PSIP1: variants seen among roughly 807,000 people sequenced by gnomAD.
PSIP1 encodes the protein PC4 and SRSF1 interacting protein 1.
PSIP1 carries 19 observed loss-of-function variants against 74.7 expected under a neutral mutation model. That is an observed-to-expected ratio of 0.25 (90% CI 0.18 to 0.37). The LOEUF (loss-of-function observed/expected upper bound fraction) is 0.37, where lower values mean the gene tolerates loss of function less well. Ranked by LOEUF, PSIP1 falls within the 10% of genes least tolerant of loss-of-function variation. The pLI, the probability that PSIP1 is intolerant of heterozygous loss-of-function variation, is 1.00. For missense variants in PSIP1, 601 were observed against 614.3 expected (o/e 0.98, Z 0.23); for synonymous variants, 222 against 195.3 (o/e 1.14, Z -1.14).
In PSIP1 at chr9:15,465,517, A is replaced by T. The variant is rs1365331373; in HGVS notation, c.*3T>A. 1.9e-6 allele frequency: 3 copies of T among 1,548,616 alleles called. No homozygotes were observed. The highest frequency in any genetic ancestry group is 2.7e-6 in the Non-Finnish European group (3 of 1,129,194). On this transcript the variant is annotated 3_prime_UTR_variant, in exon 16 of 16. Transcript: ENST00000380733. ...GTGTTCTCTATATTCCAGGTATGTC[A>T]ACCTAGTTATCTAGTGTAGAATCCT...
At position 15,465,492 on chromosome 9, in the gene PSIP1, G is replaced by C; in HGVS notation, c.*28C>G. 1 of 1,491,994 alleles carries C rather than the reference G, an allele frequency of 6.7e-7. No individual in the cohort carries two copies. Among genetic ancestry groups the C allele is most frequent in the African/African-American group, 1.4e-5 (1 of 70,644 alleles). 92.4% of individuals were successfully genotyped at this position (1,491,994 alleles called of 1,614,324 possible). On this transcript the variant is annotated 3_prime_UTR_variant, in exon 16 of 16. Transcript: ENST00000380733. ...ATGAAAACCATTACAAACTTCTCAA[G>C]TGTTCTCTATATTCCAGGTATGTCA...
intron 3 of PSIP1, chr9:15,505,902 A>T (rs2037565258): frequency 6.6e-6 from 1 of 152,244 alleles, no homozygotes; most frequent in Non-Finnish European, 1.5e-5. Flanking sequence ...ATTATGACAG[A>T]CACCAAACTT....
chr9:15,506,524 T>C (rs2037594682), intron 3 of PSIP1, 37 bp downstream of exon 3: 3 of 1,441,508 alleles, frequency 2.1e-6, no homozygotes, highest in South Asian at 1.2e-5. Flanking sequence ...CCCTGTTAAA[T>C]TAGCTCTGAT....
chr9:15,497,877 CATAT>C (rs1199093690), intron 3 of PSIP1, among the ~76,000 whole-genome samples: 2 of 152,148 alleles, frequency 1.3e-5, no homozygotes, highest in African/African-American at 2.4e-5. Flanking sequence ...TGTATATATA[CATAT>C]ATAACTATGC....
chr9:15,481,895 T>A (rs1186741592), intron 6 of PSIP1, among the ~76,000 whole-genome samples: 1 of 152,280 alleles, frequency 6.6e-6, no homozygotes, highest in Non-Finnish European at 1.5e-5. Flanking sequence ...AAATATTTTA[T>A]CTAAAGAAAG....
intron 10 of PSIP1, chr9:15,471,937 C>T (rs2035850630): frequency 2.0e-6 from 2 of 976,490 alleles, no homozygotes; most frequent in South Asian, 4.7e-5. Context: ...AGAGAAAGAA[C>T]TCAGAAGTGA....
intron 6 of PSIP1, among the ~76,000 whole-genome samples, chr9:15,483,477 C>A (rs1370768203): frequency 6.6e-6 from 1 of 152,056 alleles, no homozygotes; most frequent in South Asian, 2.1e-4. Flanking sequence ...CAGTCTCATG[C>A]CAACTCCTTA....
At chr9:15,487,015 T>G (rs2036586361) in intron 4 of PSIP1, 84 bp from the exon 5 acceptor site, 3 of 852,558 alleles carry the variant, frequency 3.5e-6, no homozygotes, top group African/African-American at 3.6e-5. Flanking sequence ...ATTTTTTTTT[T>G]AGAGACAGGG....
chr9:15,465,634 G>T, intron 15 of PSIP1, 54 bp from the exon 16 acceptor site: 1 of 1,398,568 alleles, frequency 7.2e-7, no homozygotes, highest in Non-Finnish European at 9.9e-7. Flanking sequence ...CCTGATGAAG[G>T]AAAAAAAGAC....
At chr9:15,471,930 G>A (rs569658234) in intron 10 of PSIP1, 3 of 980,172 alleles carry the variant, frequency 3.1e-6, no homozygotes, top group South Asian at 4.7e-5. Context: ...GCATGTCAGA[G>A]AAAGAACTCA....
At chr9:15,504,054 A>C (rs1269336727) in intron 3 of PSIP1, among the ~76,000 whole-genome samples, 2 of 152,182 alleles carry the variant, frequency 1.3e-5, no homozygotes, top group African/African-American at 4.8e-5. Flanking sequence ...CCAAAAATTA[A>C]TCTTAAGTAC....
At chr9:15,480,214 T>C (rs1587483395) in intron 6 of PSIP1, among the ~76,000 whole-genome samples, 3 of 152,206 alleles carry the variant, frequency 2.0e-5, no homozygotes, top group Admixed American at 6.5e-5. Flanking sequence ...ATCAGTATTA[T>C]TGATTTAAGC....
intron 14 of PSIP1, 107 bp from the exon 15 acceptor site, chr9:15,466,966 T>A: frequency 1.3e-6 from 1 of 762,472 alleles, no homozygotes; most frequent in Admixed American, 2.7e-5. Flanking sequence ...ATCGTGTTTC[T>A]ACTACTTAAT....
chr9:15,498,497 C>A (rs12339417), intron 3 of PSIP1, among the ~76,000 whole-genome samples: 1 of 150,874 alleles, frequency 6.6e-6, no homozygotes, highest in African/African-American at 2.4e-5. Flanking sequence ...AAAATGACAG[C>A]AGATGGAAAA....
rs1050915585 is a variant in PSIP1, at chr9:15,472,302, G to A, written c.977+330C>T. ...ATTCTTTGTCTACCAGTATATTATCGCCCCTCTATCTATATGTATTATATT... is the reference window on the plus strand; with the variant it reads ...ATTCTTTGTCTACCAGTATATTATCACCCCTCTATCTATATGTATTATATT... On this transcript the variant is annotated intron_variant, in intron 10 of 15. Coordinates refer to ENST00000380733, the MANE Select transcript of PSIP1 (RefSeq NM_033222.5). The A allele has an allele frequency of 2.5e-5, 26 of 1,019,688 alleles. No individual in the cohort carries two copies. The African/African-American group carries it at 3.8e-4, about 15-fold the overall frequency. 63.2% of individuals were successfully genotyped at this position (1,019,688 alleles called of 1,614,324 possible).
chr9:15,488,079 C>T (rs1011952664), intron 4 of PSIP1, among the ~76,000 whole-genome samples: 1 of 152,058 alleles, frequency 6.6e-6, no homozygotes, highest in African/African-American at 2.4e-5. Flanking sequence ...GCCTGTAATC[C>T]CAGCACTTTG....
chr9:15,507,527 A>T (rs976101843), intron 2 of PSIP1, among the ~76,000 whole-genome samples: 3 of 152,110 alleles, frequency 2.0e-5, no homozygotes, highest in Non-Finnish European at 2.9e-5. Flanking sequence ...AGGTGCCTGT[A>T]ATCTCAGCCA....
chr9:15,486,138 A>G (rs913525587), intron 5 of PSIP1, 70 bp from the exon 6 acceptor site: 3 of 1,300,582 alleles, frequency 2.3e-6, no homozygotes, highest in South Asian at 1.3e-5. Context: ...TTGTTAAACT[A>G]AAAGTTACAA....
chr9:15,504,758 C>T (rs1243186006), intron 3 of PSIP1, among the ~76,000 whole-genome samples: 1 of 150,462 alleles, frequency 6.6e-6, no homozygotes, highest in Non-Finnish European at 1.5e-5. Context: ...AAAGAAAAAA[C>T]CTGTTCCATT....
Sources: gnomAD v4.1 joint callset for allele counts (sites outside exome capture counted in the v4.1 genomes callset) on GRCh38, gnomAD v4.1.1 for gene constraint, MANE v1.5 for transcripts, NCBI Gene and HGNC (gene_info 2026-07-23, HGNC 2026-07-21) for gene names.